The following CNTN5 variants were observed in gnomAD, a reference collection of about 807,000 sequenced individuals.
CNTN5 encodes contactin-5.
In CNTN5, 77 loss-of-function variants were observed where a neutral mutation model predicts 129.1. The observed-to-expected ratio is 0.60, with a 90% CI of 0.50 to 0.72. The LOEUF (loss-of-function observed/expected upper bound fraction) is 0.72, where lower values mean the gene tolerates loss of function less well. CNTN5 is among the 30% of genes least tolerant of loss of function. CNTN5 has a pLI of 0.00. For synonymous variants in CNTN5, 509 were observed against 465.6 expected (o/e 1.09, Z -1.20); for missense variants, 1,478 against 1,328.8 (o/e 1.11, Z -1.75).
At chr11:99,200,399 A>C (rs766523276) in intron 1 of CNTN5, among the ~76,000 whole-genome samples, 4 of 152,170 alleles carry the variant, frequency 2.6e-5, no homozygotes, top group Non-Finnish European at 5.9e-5. Context: ...GACCAAGACA[A>C]CCATCAGTAC....
At chr11:99,717,244 AAT>A (rs2134999919) in intron 3 of CNTN5, among the ~76,000 whole-genome samples, 1 of 152,180 alleles carries the variant, frequency 6.6e-6, no homozygotes, top group South Asian at 2.1e-4. Flanking sequence ...CTTTCAAGAG[AAT>A]ATGTTAATCC....
intron 9 of CNTN5, among the ~76,000 whole-genome samples, chr11:100,007,289 C>T (rs12277485): frequency 0.37 from 56,752 of 151,776 alleles, 12,005 homozygotes; most frequent in African/African-American, 0.57. Context: ...CTGCATTAGC[C>T]CCTAACAAGA....
intron 9 of CNTN5, among the ~76,000 whole-genome samples, chr11:100,030,610 C>T (rs1409531638): frequency 1.3e-5 from 2 of 152,072 alleles, no homozygotes; most frequent in Admixed American, 6.6e-5. Flanking sequence ...TTGGTGTATA[C>T]CCTGTAGAAC....
chr11:99,879,037 A>G (rs1208649457), intron 6 of CNTN5, among the ~76,000 whole-genome samples: 1 of 151,814 alleles, frequency 6.6e-6, no homozygotes, highest in African/African-American at 2.4e-5. Flanking sequence ...TCCCGGGTCC[A>G]GGCGATTCTC....
intron 2 of CNTN5, among the ~76,000 whole-genome samples, chr11:99,532,115 A>G (rs911593552): frequency 6.6e-6 from 1 of 152,018 alleles, no homozygotes; most frequent in African/African-American, 2.4e-5. Flanking sequence ...AAGGGAGGCT[A>G]TACCCTGCAA....
chr11:99,355,134 C>T (rs1438098915), intron 2 of CNTN5, among the ~76,000 whole-genome samples: 1 of 152,168 alleles, frequency 6.6e-6, no homozygotes, highest in Non-Finnish European at 1.5e-5. Context: ...GTTATCTTAA[C>T]TAGCACACTT....
At chr11:99,080,086 A>G (rs1050721971) in intron 1 of CNTN5, among the ~76,000 whole-genome samples, 14 of 152,212 alleles carry the variant, frequency 9.2e-5, no homozygotes, top group African/African-American at 2.9e-4. Context: ...ATAAAACAAA[A>G]CTTCAAAATT....
intron 3 of CNTN5, among the ~76,000 whole-genome samples, chr11:99,632,058 G>A (rs902643071): frequency 1.6e-4 from 24 of 152,214 alleles, no homozygotes; most frequent in Non-Finnish European, 3.2e-4. Flanking sequence ...AAGGTTTGGT[G>A]CATCCATGGT....
chr11:99,637,043 T>TAAAAAAAAAAAAAA (rs763109822), intron 3 of CNTN5, among the ~76,000 whole-genome samples: 406 of 95,636 alleles, frequency 4.2e-3, no homozygotes, highest in Non-Finnish European at 5.4e-3. Flanking sequence ...AAAAAAAAAG[T>TAAAAAAAAAAAAAA]AAATGACTCT....
intron 2 of CNTN5, among the ~76,000 whole-genome samples, chr11:99,436,762 C>A (rs888233207): frequency 6.6e-6 from 1 of 152,100 alleles, no homozygotes; most frequent in African/African-American, 2.4e-5. Context: ...ATTCTCATAG[C>A]GGTTCCTTTG....
chr11:99,227,400 AAATTG>A (rs2135718490), intron 1 of CNTN5, among the ~76,000 whole-genome samples: 1 of 152,112 alleles, frequency 6.6e-6, no homozygotes, highest in South Asian at 2.1e-4. Context: ...AAGCCTAATA[AAATTG>A]TTTGCACTAT....
chr11:100,071,248 C>G (rs1245338290), intron 11 of CNTN5, among the ~76,000 whole-genome samples: 1 of 151,926 alleles, frequency 6.6e-6, no homozygotes, highest in Non-Finnish European at 1.5e-5. Context: ...ATGGCAAACT[C>G]CTGATTGGAT....
intron 2 of CNTN5, among the ~76,000 whole-genome samples, chr11:99,384,973 G>A (rs974397264): frequency 6.6e-6 from 1 of 152,120 alleles, no homozygotes. Flanking sequence ...AAATGGCAAT[G>A]TATTGATTAA....
At chr11:99,460,979 A>T (rs919203896) in intron 2 of CNTN5, among the ~76,000 whole-genome samples, 1 of 152,068 alleles carries the variant, frequency 6.6e-6, no homozygotes, top group Non-Finnish European at 1.5e-5. Context: ...AAATTGGAAA[A>T]CACCTAAAAG....
intron 3 of CNTN5, among the ~76,000 whole-genome samples, chr11:99,740,965 A>AT (rs1278722799): frequency 6.6e-6 from 1 of 152,022 alleles, no homozygotes; most frequent in Non-Finnish European, 1.5e-5. Context: ...ACTACTATTT[A>AT]TTTTTGCCAA....
intron 3 of CNTN5, among the ~76,000 whole-genome samples, chr11:99,796,994 A>G (rs574944457): frequency 6.6e-6 from 1 of 152,010 alleles, no homozygotes; most frequent in East Asian, 1.9e-4. Flanking sequence ...GGGTGCCAGG[A>G]ATGAGTCCCA....
intron 9 of CNTN5, among the ~76,000 whole-genome samples, chr11:100,030,448 C>G (rs1455620157): frequency 6.6e-6 from 1 of 152,116 alleles, no homozygotes; most frequent in Non-Finnish European, 1.5e-5. Context: ...AAAGCCATGT[C>G]CCCTAATTAG....
At chr11:99,476,196 C>T (rs920383640) in intron 2 of CNTN5, among the ~76,000 whole-genome samples, 2 of 151,898 alleles carry the variant, frequency 1.3e-5, no homozygotes, top group South Asian at 4.1e-4. Context: ...ATTGCTATGA[C>T]ATTAAAATTA....
chr11:99,996,259 C>T (rs1160345502), intron 8 of CNTN5, among the ~76,000 whole-genome samples: 2 of 152,006 alleles, frequency 1.3e-5, no homozygotes, highest in African/African-American at 4.8e-5. Flanking sequence ...AGGTCTTTAT[C>T]TTGTATTACT....
Sources: allele counts gnomAD v4.1 joint callset (sites outside exome capture counted in the v4.1 genomes callset), GRCh38; gene constraint gnomAD v4.1.1; transcripts MANE v1.5; gene names NCBI Gene and HGNC (gene_info 2026-07-23, HGNC 2026-07-21).